TDRD3: variants seen among roughly 807,000 people sequenced by gnomAD.
The protein encoded by TDRD3 is tudor domain containing 3, also known as tudor domain-containing protein 3.
A neutral mutation model predicts 86.7 loss-of-function variants in TDRD3; 45 were observed. The observed-to-expected ratio is 0.52, with a 90% CI of 0.41 to 0.67. TDRD3 has a LOEUF of 0.67. Ranked by LOEUF, TDRD3 falls within the 30% of genes least tolerant of loss-of-function variation. The pLI, the probability that TDRD3 is intolerant of heterozygous loss-of-function variation, is 0.00. For synonymous variants in TDRD3, 298 were observed against 301.7 expected (o/e 0.99, Z 0.13); for missense variants, 814 against 889.0 (o/e 0.92, Z 1.07).
chr13:60,401,479 G>T (rs1258267679), intron 1 of TDRD3, among the ~76,000 whole-genome samples: 1 of 152,124 alleles, frequency 6.6e-6, no homozygotes, highest in Non-Finnish European at 1.5e-5. Flanking sequence ...ATCCCTTATG[G>T]ATACTGAGGG....
At chr13:60,431,917 A>T (rs922355717) in intron 1 of TDRD3, among the ~76,000 whole-genome samples, 6 of 151,928 alleles carry the variant, frequency 3.9e-5, no homozygotes, top group Non-Finnish European at 1.5e-5. Context: ...TATTTATCTG[A>T]TCCATTTATA....
intron 8 of TDRD3, among the ~76,000 whole-genome samples, chr13:60,506,897 G>T (rs1374909609): frequency 6.6e-6 from 1 of 152,100 alleles, no homozygotes; most frequent in East Asian, 1.9e-4. Flanking sequence ...CCTATTAAAA[G>T]GCACAGACTG....
intron 1 of TDRD3, among the ~76,000 whole-genome samples, chr13:60,408,983 C>A (rs1435787418): frequency 6.6e-6 from 1 of 152,184 alleles, no homozygotes; most frequent in Non-Finnish European, 1.5e-5. Flanking sequence ...GTGGGCTGGG[C>A]CCAGGGTCCC....
intron 7 of TDRD3, among the ~76,000 whole-genome samples, chr13:60,489,201 G>A (rs1408245868): frequency 6.6e-6 from 1 of 151,884 alleles, no homozygotes; most frequent in East Asian, 1.9e-4. Context: ...TTATTATTTT[G>A]AATTATTTGC....
In TDRD3 at chr13:60,567,562, G is replaced by T. The variant is rs200910470; in HGVS notation, c.2156G>T (p.Arg719Leu). The change falls in exon 13 of 14, where the codon CGT becomes CTT. Residue 719 changes from arginine (R) to leucine (L), a missense_variant. By Grantham distance (102) the Arg-to-Leu change is moderately radical. Transcript: ENST00000377881. ...ACCTACGATCAAACTCTGGAGTTCC[G>T]TAGGGGAGGTGATGGCCAGCCAAGA... ...EGTYDQTLEF[R>L]RGGDGQPRRS... The T allele has an allele frequency of 6.2e-7, 1 of 1,614,098 alleles. No homozygotes were observed. Among genetic ancestry groups the T allele is most frequent in the Non-Finnish European group, 8.5e-7 (1 of 1,180,018 alleles).
At chr13:60,395,999 G>A (rs1467269599), upstream of TDRD3, among the ~76,000 whole-genome samples, 1 of 152,136 alleles carries the variant, frequency 6.6e-6, no homozygotes, top group Non-Finnish European at 1.5e-5. Context: ...AAGACCAAAC[G>A]GAATACCCCA....
At chr13:60,454,386 T>G (rs1239598333) in intron 3 of TDRD3, among the ~76,000 whole-genome samples, 2 of 152,206 alleles carry the variant, frequency 1.3e-5, no homozygotes, top group Non-Finnish European at 2.9e-5. Context: ...GCTTAAAATT[T>G]TTTTTAATAA....
At chr13:60,540,600 T>C (rs370465930) in intron 12 of TDRD3, among the ~76,000 whole-genome samples, 12 of 152,284 alleles carry the variant, frequency 7.9e-5, no homozygotes, top group African/African-American at 2.4e-4. Flanking sequence ...TAACGGAATA[T>C]TATGAAAAAC....
At chr13:60,404,971 G>C (rs1021515767) in intron 1 of TDRD3, among the ~76,000 whole-genome samples, 4 of 152,216 alleles carry the variant, frequency 2.6e-5, no homozygotes, top group African/African-American at 9.7e-5. Context: ...GAGGTGCCCT[G>C]CACAAGCTCT....
chr13:60,543,385 A>G (rs894909375), intron 12 of TDRD3, among the ~76,000 whole-genome samples: 1 of 152,126 alleles, frequency 6.6e-6, no homozygotes, highest in Admixed American at 6.6e-5. Flanking sequence ...ATTTAAGTAC[A>G]TTTTTTGATT....
chr13:60,452,859 T>C (rs923242557), intron 3 of TDRD3, among the ~76,000 whole-genome samples: 2 of 151,960 alleles, frequency 1.3e-5, no homozygotes, highest in African/African-American at 4.8e-5. Context: ...CTCTTATTAC[T>C]GTTATCAGTT....
intron 5 of TDRD3, among the ~76,000 whole-genome samples, chr13:60,468,544 A>G (rs971171152): frequency 6.6e-6 from 1 of 152,108 alleles, no homozygotes. Flanking sequence ...TTTTGTTTGT[A>G]TCATCTTTCT....
chr13:60,518,029 C>T (rs1957211529), intron 10 of TDRD3, among the ~76,000 whole-genome samples: 1 of 152,210 alleles, frequency 6.6e-6, no homozygotes, highest in Non-Finnish European at 1.5e-5. Flanking sequence ...TAGGACATTG[C>T]AGTCTCTGGA....
intron 1 of TDRD3, among the ~76,000 whole-genome samples, chr13:60,431,989 T>G (rs1415417598): frequency 6.6e-6 from 1 of 152,026 alleles, no homozygotes; most frequent in Non-Finnish European, 1.5e-5. Flanking sequence ...GGTTTAATTG[T>G]TGGAATACAG....
chr13:60,481,801 G>T (rs1453963681), intron 5 of TDRD3, among the ~76,000 whole-genome samples: 2 of 152,108 alleles, frequency 1.3e-5, no homozygotes, highest in Non-Finnish European at 2.9e-5. Context: ...TTGCTTAGAT[G>T]CTGGACATTG....
intron 7 of TDRD3, among the ~76,000 whole-genome samples, chr13:60,488,046 G>C (rs1603204): frequency 0.15 from 22,649 of 152,112 alleles, 2,107 homozygotes; most frequent in South Asian, 0.28. Context: ...ACCCAGTCTA[G>C]ATCCTGCTGC....
Position 60,567,669 on chromosome 13 carries a change from A to G in TDRD3, c.*9+19A>G, listed in dbSNP as rs1958495182. ...GGAAAAGGTAAACTTAACATTGTGA[A>G]GTGGTTTTCATATAAAGAAAGATGA... On this transcript the variant is annotated intron_variant, in intron 13 of 13. Transcript: ENST00000377881. 1 of 1,608,974 alleles carries G rather than the reference A, an allele frequency of 6.2e-7. No individual in the cohort carries two copies. Among genetic ancestry groups the G allele is most frequent in the Non-Finnish European group, 8.5e-7 (1 of 1,178,484 alleles).
chr13:60,398,318 G>A (rs1014611220), intron 1 of TDRD3, among the ~76,000 whole-genome samples: 1 of 152,112 alleles, frequency 6.6e-6, no homozygotes, highest in Non-Finnish European at 1.5e-5. Context: ...AAAACCAGGG[G>A]GAATAGTGAT....
chr13:60,480,245 C>T (rs1042881432), intron 5 of TDRD3, among the ~76,000 whole-genome samples: 2 of 152,014 alleles, frequency 1.3e-5, no homozygotes, highest in Non-Finnish European at 2.9e-5. Flanking sequence ...TTTTCCTTTG[C>T]TTATGAAGCT....
Sources: gnomAD v4.1 joint callset for allele counts (sites outside exome capture counted in the v4.1 genomes callset) on GRCh38, gnomAD v4.1.1 for gene constraint, MANE v1.5 for transcripts, NCBI Gene and HGNC (gene_info 2026-07-23, HGNC 2026-07-21) for gene names.